STKLD1: variants seen among roughly 807,000 people sequenced by gnomAD.
STKLD1 encodes the protein serine/threonine kinase like domain containing 1.
A neutral mutation model predicts 80.4 loss-of-function variants in STKLD1; 79 were observed. The ratio of observed to expected loss-of-function variants is 0.98; its 90% confidence interval spans 0.82 to 1.19. The LOEUF is 1.19. Among genes scored for constraint, STKLD1 ranks in the 50% most tolerant of loss-of-function variants. The pLI is 0.00. For missense variants in STKLD1, 841 were observed against 856.0 expected (o/e 0.98, Z 0.22); for synonymous variants, 393 against 357.6 (o/e 1.10, Z -1.12).
At chr9:133,388,800 C>T in intron 5 of STKLD1, 1 of 985,408 alleles carries the variant, frequency 1.0e-6, no homozygotes, top group African/African-American at 1.7e-5. Flanking sequence ...GACCATGTAC[C>T]CCTGAGGGGC....
intron 2 of STKLD1, among the ~76,000 whole-genome samples, chr9:133,382,273 C>T (rs1838149763): frequency 6.6e-6 from 1 of 152,214 alleles, no homozygotes; most frequent in Non-Finnish European, 1.5e-5. Context: ...AAAATGGATC[C>T]TTTACTGAGT....
Position 133,401,142 on chromosome 9 carries a change from A to AC in STKLD1, c.1199-595dup, listed in dbSNP as rs71378575. ...TTTTTGAAACAAAAAGTATTTAGTT[A>AC]CTTTTTTTTTTTTTTTTGAGATGGA... On this transcript the variant is annotated intron_variant, in intron 12 of 17. Coordinates refer to ENST00000371957, the MANE Select transcript of STKLD1 (RefSeq NM_153710.5). Among the ~76,000 whole-genome samples, 43 of 132,862 alleles carry AC rather than the reference A, an allele frequency of 3.2e-4. 1 individual carries two copies. Among genetic ancestry groups the AC allele is most frequent in the African/African-American group, 1.0e-3 (32 of 31,552 alleles). 87.2% of individuals were successfully genotyped at this position (132,862 alleles called of 152,430 possible).
rs587654980 is a variant in STKLD1, at chr9:133,405,043, C to T, written c.1873+114C>T. The T allele has an allele frequency of 2.6e-4, 376 of 1,463,048 alleles. 7 individuals are homozygous for T. The South Asian group carries it at 4.3e-3, about 17-fold the overall frequency. The allele number at this position is 1,463,048 out of a possible 1,614,324, so 90.6% of individuals were successfully genotyped here. ...GGAAGGTGGGCTCAACCCCACTTCT[C>T]GGCCCACTTAAACTTCCCACTCATT... On this transcript the variant is annotated intron_variant, in intron 17 of 17. Transcript: ENST00000371957.
At chr9:133,396,552 G>A (rs1021086807) in intron 9 of STKLD1, among the ~76,000 whole-genome samples, 4 of 151,984 alleles carry the variant, frequency 2.6e-5, no homozygotes, top group Admixed American at 2.6e-4. Flanking sequence ...TCAGGTGTTC[G>A]AGACCAGCCT....
At chr9:133,401,689 T>C in intron 12 of STKLD1, 49 bp from the exon 13 acceptor site, 1 of 1,581,916 alleles carries the variant, frequency 6.3e-7, no homozygotes, top group East Asian at 2.3e-5. Context: ...TCTGGCCCCA[T>C]GCCTGAGCTG....
In STKLD1 at chr9:133,387,437, G is replaced by C. The variant is rs150663712; in HGVS notation, c.295-10G>C. 1 of 1,612,866 alleles carries C rather than the reference G, an allele frequency of 6.2e-7. No homozygotes were observed. The highest frequency in any genetic ancestry group is 8.5e-7 in the Non-Finnish European group (1 of 1,179,082). ...GGCGTCCTTTGGCTAAGGGCCTCCT[G>C]TCCCAGCAGATCTCTTCTCTGTACC... On this transcript the variant is annotated splice_polypyrimidine_tract_variant and intron_variant, in intron 4 of 17. Transcript: ENST00000371957.
At position 133,395,771 on chromosome 9, in the gene STKLD1, C is replaced by G. The variant is rs1554776641; in HGVS notation, c.866+8C>G. 6.2e-7 allele frequency: 1 copy of G among 1,612,848 alleles called. No individual in the cohort carries two copies. ...GGATCGAATAACGATAAAGTGAGCT[C>G]AGGGTCGGGGTTTATTTTAACCTGT... is the stretch of plus-strand genomic sequence containing the variant. On this transcript the variant is annotated splice_region_variant and intron_variant, in intron 9 of 17. Transcript: ENST00000371957.
chr9:133,403,046 C>A (rs781825738), intron 14 of STKLD1, 34 bp downstream of exon 14: 2 of 1,536,000 alleles, frequency 1.3e-6, no homozygotes, highest in Non-Finnish European at 1.8e-6. Context: ...CCCACCGGGG[C>A]TGGCAGCCCT....
At chr9:133,380,310 G>T (rs967244201) in intron 2 of STKLD1, among the ~76,000 whole-genome samples, 1 of 152,054 alleles carries the variant, frequency 6.6e-6, no homozygotes, top group African/African-American at 2.4e-5. Context: ...CTCCCAAAGT[G>T]CTGGGATTAC....
intron 11 of STKLD1, among the ~76,000 whole-genome samples, chr9:133,400,011 G>A (rs1051381194): frequency 6.6e-6 from 1 of 152,118 alleles, no homozygotes; most frequent in Admixed American, 6.5e-5. Context: ...CCAGTCCCCA[G>A]CCCACAACAG....
chr9:133,376,532 C>A lies in STKLD1; in HGVS notation c.59C>A (p.Ser20Tyr), dbSNP rs1372293123. ...RPTQGERGPG[S>Y]PGEPMEKYQV... ...ACGCAGGGGGAGCGAGGCCCAGGGT[C>A]CCCCGGAGAGCCCATGGAGAAGTAC... Residue 20 changes from serine (S) to tyrosine (Y), a missense_variant, in exon 1 of 18, where the codon TCC (serine) becomes TAC (tyrosine). Physicochemically the swap from Ser to Tyr is moderately radical, Grantham distance 144. Coordinates refer to ENST00000371957, the MANE Select transcript of STKLD1 (RefSeq NM_153710.5). 1 of 1,600,542 alleles carries A rather than the reference C, an allele frequency of 6.2e-7. No homozygotes were observed. The highest frequency in any genetic ancestry group is 8.5e-7 in the Non-Finnish European group (1 of 1,175,244).
Position 133,395,703 on chromosome 9 carries a change from C to T in STKLD1, c.806C>T (p.Thr269Ile). 5 of 1,613,526 alleles carry T rather than the reference C, an allele frequency of 3.1e-6. No individual in the cohort carries two copies. Among genetic ancestry groups the T allele is most frequent in the Non-Finnish European group, 4.2e-6 (5 of 1,180,028 alleles). The change falls in exon 9 of 18, where the codon ACC becomes ATC. Residue 269 changes from threonine (T) to isoleucine (I), a missense_variant. Physicochemically the swap from Thr to Ile is moderately conservative, Grantham distance 89. Coordinates refer to ENST00000371957, the MANE Select transcript of STKLD1 (RefSeq NM_153710.5). ...GAGAAGCAGATCCCGGATGTGGAAA[C>T]CTTCAGGAATCTTCTGCCCTTGATG... ...MEEKQIPDVE[T>I]FRNLLPLMLQ...
At chr9:133,393,917 A>G (rs1455187860) in intron 7 of STKLD1, 1 of 178,238 alleles carries the variant, frequency 5.6e-6, no homozygotes, top group Non-Finnish European at 1.2e-5. Flanking sequence ...TTTGCCCCCA[A>G]GGTCCTGACA....
chr9:133,376,566 G>A lies in STKLD1; in HGVS notation c.87+6G>A, dbSNP rs2130249546. 41 of 1,589,342 alleles carry A rather than the reference G, an allele frequency of 2.6e-5. No individual in the cohort carries two copies. The highest frequency in any genetic ancestry group is 3.4e-5 in the Non-Finnish European group (40 of 1,170,620). The stretch of plus-strand genomic sequence containing the variant: ...AGCCCATGGAGAAGTACCAGGTGCC[G>A]AGTGTTCCCTGCGGGGAGGCGGGAG... On this transcript the variant is annotated splice_donor_region_variant and intron_variant, in intron 1 of 17. Coordinates refer to ENST00000371957, the MANE Select transcript of STKLD1 (RefSeq NM_153710.5).
In STKLD1 at chr9:133,379,074, C is replaced by G; in HGVS notation, c.126C>G (p.Asn42Lys). 1 of 1,613,928 alleles carries G rather than the reference C, an allele frequency of 6.2e-7. No homozygotes were observed. The highest frequency in any genetic ancestry group is 8.5e-7 in the Non-Finnish European group (1 of 1,179,902). ...TGAATCCTGGGGCCTTGGGGGTGAA[C>G]CTGGTGGTGGAGGAAATGGAAACCA... ...YQLNPGALGV[N>K]LVVEEMETKV... is the part of the protein sequence containing the mutation. The change falls in exon 2 of 18, where the codon AAC (asparagine) becomes AAG (lysine). Residue 42 changes from asparagine to lysine, a missense_variant. Physicochemically the swap from Asn to Lys is moderately conservative, Grantham distance 94. Coordinates refer to ENST00000371957, the MANE Select transcript of STKLD1 (RefSeq NM_153710.5).
At position 133,390,836 on chromosome 9, in the gene STKLD1, C is replaced by A; in HGVS notation, c.583+40C>A. Reference sequence around the variant, plus strand: ...CCCAGGTTGTGGGAGAGGGGGTTGGCGCCTAGAATCCAGGCGGCGTTGGCC... The same window carrying A: ...CCCAGGTTGTGGGAGAGGGGGTTGGAGCCTAGAATCCAGGCGGCGTTGGCC... On this transcript the variant is annotated intron_variant, in intron 7 of 17. Transcript: ENST00000371957. This position sits in a 1 kb window ranked among gnomAD's most constrained non-coding sequence, Gnocchi z 5.1. The A allele has an allele frequency of 1.3e-6, 2 of 1,545,308 alleles. No individual in the cohort carries two copies. The highest frequency in any genetic ancestry group is 1.8e-6 in the Non-Finnish European group (2 of 1,118,412).
chr9:133,378,504 C>T (rs2130257923), intron 1 of STKLD1, among the ~76,000 whole-genome samples: 3 of 152,228 alleles, frequency 2.0e-5, no homozygotes, highest in Non-Finnish European at 2.9e-5. Flanking sequence ...GTGACATAGC[C>T]TCAGGCAAGG....
At chr9:133,378,442 A>G (rs1564373811) in intron 1 of STKLD1, among the ~76,000 whole-genome samples, 1 of 152,228 alleles carries the variant, frequency 6.6e-6, no homozygotes, top group Non-Finnish European at 1.5e-5. Context: ...CTCAAATCAC[A>G]GGCTCTAAGA....
intron 2 of STKLD1, among the ~76,000 whole-genome samples, chr9:133,380,773 C>A (rs1838109905): frequency 6.6e-6 from 1 of 151,988 alleles, no homozygotes; most frequent in Non-Finnish European, 1.5e-5. Context: ...TTTTCCTAAG[C>A]GTTTGTAAAC....
Sources: gnomAD v4.1 joint callset for allele counts (sites outside exome capture counted in the v4.1 genomes callset) on GRCh38, gnomAD v4.1.1 for gene constraint, Gnocchi (gnomAD v3.1) non-coding constraint, MANE v1.5 for transcripts, NCBI Gene and HGNC (gene_info 2026-07-23, HGNC 2026-07-21) for gene names.